Variants in MCOLN2 observed in about 807,000 individuals in gnomAD.
The protein encoded by MCOLN2 is mucolipin TRP cation channel 2.
A neutral mutation model predicts 67.5 loss-of-function variants in MCOLN2; 57 were observed. That is an observed-to-expected ratio of 0.84 (90% CI 0.68 to 1.05). MCOLN2 has a LOEUF of 1.05. MCOLN2 is among the 50% of genes least tolerant of loss of function. The pLI is 0.00. For missense variants in MCOLN2, 620 were observed against 678.8 expected (o/e 0.91, Z 0.96); for synonymous variants, 246 against 233.3 (o/e 1.05, Z -0.50).
intron 1 of MCOLN2, among the ~76,000 whole-genome samples, chr1:84,984,606 C>T (rs1650412421): frequency 1.3e-5 from 2 of 152,234 alleles, no homozygotes; most frequent in African/African-American, 4.8e-5. Flanking sequence ...ATTGTTAAGA[C>T]TTCCTGTGAC....
chr1:84,928,563 A>G (rs1458909554), intron 13 of MCOLN2, among the ~76,000 whole-genome samples: 1 of 152,214 alleles, frequency 6.6e-6, no homozygotes, highest in Non-Finnish European at 1.5e-5. Flanking sequence ...CCCTTATAGT[A>G]AAAAAGAGAT....
chr1:84,965,791 A>T, intron 1 of MCOLN2, 83 bp from the exon 2 acceptor site: 10 of 1,249,504 alleles, frequency 8.0e-6, no homozygotes, highest in Non-Finnish European at 7.7e-6. Context: ...CCTAAACTTG[A>T]GTTGGTACAT....
chr1:84,993,552 G>T (rs1338693405), intron 1 of MCOLN2, among the ~76,000 whole-genome samples: 1 of 150,514 alleles, frequency 6.6e-6, no homozygotes, highest in Non-Finnish European at 1.5e-5. Flanking sequence ...ACTTTGTCCA[G>T]ATTCATCAGA....
chr1:84,976,399 G>A (rs1649996624), intron 1 of MCOLN2, among the ~76,000 whole-genome samples: 1 of 152,224 alleles, frequency 6.6e-6, no homozygotes. Context: ...TGAAAGTGCT[G>A]AAGGAGAAAA....
At chr1:84,995,650 A>G (rs983001783) in intron 1 of MCOLN2, among the ~76,000 whole-genome samples, 1 of 152,178 alleles carries the variant, frequency 6.6e-6, no homozygotes. Flanking sequence ...TCTAGGTTTC[A>G]CTTCACTGAC....
chr1:84,937,282 C>T (rs1285253143), intron 11 of MCOLN2, among the ~76,000 whole-genome samples: 1 of 152,180 alleles, frequency 6.6e-6, no homozygotes, highest in East Asian at 1.9e-4. Flanking sequence ...TAATCAAAAC[C>T]GTCTGCAGAG....
intron 1 of MCOLN2, among the ~76,000 whole-genome samples, chr1:84,982,653 T>G (rs898550871): frequency 2.6e-5 from 4 of 152,208 alleles, no homozygotes; most frequent in Non-Finnish European, 5.9e-5. Context: ...GCTGTGGTTG[T>G]TCTTTGTTGT....
Position 84,926,550 on chromosome 1 carries a change from T to C in MCOLN2, c.*135A>G. ...GGAACTTCAGTCATGGTCAGCTGGC[T>C]AACTGTGAGTCCTCTTTCCCACTCC... is the stretch of plus-strand genomic sequence containing the variant. On this transcript the variant is annotated 3_prime_UTR_variant, in exon 14 of 14. Coordinates refer to ENST00000370608, the MANE Select transcript of MCOLN2 (RefSeq NM_153259.4). 1 of 523,524 alleles carries C rather than the reference T, an allele frequency of 1.9e-6. No individual in the cohort carries two copies. The highest frequency in any genetic ancestry group is 3.1e-5 in the East Asian group (1 of 31,864). The allele number at this position is 523,524 out of a possible 1,614,324, so 32.4% of individuals were successfully genotyped here.
chr1:84,982,543 G>C (rs184752209), intron 1 of MCOLN2, among the ~76,000 whole-genome samples: 5 of 152,196 alleles, frequency 3.3e-5, no homozygotes, highest in Non-Finnish European at 7.3e-5. Context: ...AAATGAATAC[G>C]TATTTAGAGA....
chr1:84,927,822 A>C (rs910780123), intron 13 of MCOLN2, among the ~76,000 whole-genome samples: 1 of 152,116 alleles, frequency 6.6e-6, no homozygotes, highest in East Asian at 1.9e-4. Context: ...GTCTCACTAC[A>C]TTGCCCACGC....
At chr1:84,935,280 T>A (rs1271894744) in intron 11 of MCOLN2, among the ~76,000 whole-genome samples, 1 of 152,226 alleles carries the variant, frequency 6.6e-6, no homozygotes, top group Non-Finnish European at 1.5e-5. Flanking sequence ...ACTTGTACAT[T>A]CAGTGAATTA....
rs187464900 is a variant in MCOLN2, at chr1:84,992,769, T to C, written c.77+4027A>G. 6.6e-5 allele frequency among the ~76,000 whole-genome samples: 10 copies of C among 152,268 alleles called. No individual in the cohort carries two copies. In the East Asian group the frequency reaches 1.9e-3, roughly 29 times the overall value. On this transcript the variant is annotated intron_variant, in intron 1 of 13. Transcript: ENST00000370608. ...ATTATGTCTAAAAAAACCACCTTAA[T>C]TTAAAAGTACTTCATACTAAAAAAT...
chr1:84,990,523 C>T (rs75904275), intron 1 of MCOLN2, among the ~76,000 whole-genome samples: 5,394 of 151,868 alleles, frequency 0.036, 178 homozygotes, highest in African/African-American at 0.078. Context: ...ATGTTAATTG[C>T]GGCCCTATTC....
chr1:84,932,029 A>AACACAC (rs55925234), intron 11 of MCOLN2, among the ~76,000 whole-genome samples: 2,062 of 148,612 alleles, frequency 0.014, 50 homozygotes, highest in African/African-American at 0.048. Flanking sequence ...GTCTCTTTAA[A>AACACAC]ACACACACAC....
intron 1 of MCOLN2, among the ~76,000 whole-genome samples, chr1:84,968,633 G>A (rs1412308743): frequency 6.6e-6 from 1 of 152,192 alleles, no homozygotes; most frequent in Non-Finnish European, 1.5e-5. Flanking sequence ...AACTCCCATA[G>A]CTTTTGTTAT....
intron 2 of MCOLN2, among the ~76,000 whole-genome samples, chr1:84,963,351 G>A (rs780491149): frequency 9.2e-5 from 14 of 152,136 alleles, no homozygotes; most frequent in Non-Finnish European, 1.9e-4. Flanking sequence ...CACAATATGA[G>A]ATGCTTCACA....
chr1:84,971,484 G>T (rs923875761), intron 1 of MCOLN2, among the ~76,000 whole-genome samples: 60 of 132,354 alleles, frequency 4.5e-4, no homozygotes, highest in Admixed American at 1.4e-3. Flanking sequence ...GTAGATGAAG[G>T]GTATTAAACA....
chr1:84,993,349 G>A (rs1650985935), intron 1 of MCOLN2, among the ~76,000 whole-genome samples: 1 of 152,090 alleles, frequency 6.6e-6, no homozygotes, highest in African/African-American at 2.4e-5. Context: ...TAAAAGTAAG[G>A]ACAAAACCCA....
At chr1:84,966,279 A>T (rs1277619094) in intron 1 of MCOLN2, among the ~76,000 whole-genome samples, 1 of 151,906 alleles carries the variant, frequency 6.6e-6, no homozygotes, top group East Asian at 1.9e-4. Context: ...AAAACAAAAT[A>T]AAAAAAACAA....
Sources: gnomAD v4.1 joint callset for allele counts (sites outside exome capture counted in the v4.1 genomes callset) on GRCh38, gnomAD v4.1.1 for gene constraint, MANE v1.5 for transcripts, NCBI Gene and HGNC (gene_info 2026-07-23, HGNC 2026-07-21) for gene names.